UBAP2L: variants seen among roughly 807,000 people sequenced by gnomAD.
The protein encoded by UBAP2L is ubiquitin associated protein 2 like.
Under a neutral mutation model 130.6 loss-of-function variants are expected in UBAP2L, and 12 were observed. That is an observed-to-expected ratio of 0.09 (90% CI 0.06 to 0.15). The LOEUF (loss-of-function observed/expected upper bound fraction) is 0.15, where lower values mean the gene tolerates loss of function less well. UBAP2L is among the 10% of genes least tolerant of loss of function. UBAP2L has a pLI of 1.00. For synonymous variants in UBAP2L, 503 were observed against 524.7 expected (o/e 0.96, Z 0.57); for missense variants, 965 against 1,332.5 (o/e 0.72, Z 4.29).
At chr1:154,246,680 A>G (rs1480931383) in intron 11 of UBAP2L, among the ~76,000 whole-genome samples, 3 of 152,224 alleles carry the variant, frequency 2.0e-5, no homozygotes, top group East Asian at 3.8e-4. Flanking sequence ...AAACTTGTCA[A>G]TACATTTTAA....
chr1:154,265,283 T>G (rs961991731), intron 24 of UBAP2L, among the ~76,000 whole-genome samples: 1 of 152,168 alleles, frequency 6.6e-6, no homozygotes, highest in South Asian at 2.1e-4. Context: ...TGTGGGTGAA[T>G]GGAGGATTCC....
At chr1:154,228,778 T>C in intron 4 of UBAP2L, 53 bp downstream of exon 4, 1 of 1,396,646 alleles carries the variant, frequency 7.2e-7, no homozygotes, top group Non-Finnish European at 9.9e-7. Flanking sequence ...GGGAGGCTAG[T>C]AATGTTCTAA....
chr1:154,256,934 C>A, intron 18 of UBAP2L, 129 bp from the exon 19 acceptor site: 1 of 1,045,250 alleles, frequency 9.6e-7, no homozygotes, highest in Non-Finnish European at 1.4e-6. Context: ...TGGTACCTTG[C>A]CTACTTGGCC....
In UBAP2L at chr1:154,249,390, C is replaced by T; in HGVS notation, c.1166C>T (p.Ser389Phe). The change falls in exon 12 of 27, where the codon TCT becomes TTT. Residue 389 changes from serine to phenylalanine, a missense_variant. By Grantham distance (155) the Ser-to-Phe change is radical. Transcript: ENST00000428931. ...CAGTCTGGAAGCACCACCACCTCCT[C>T]TTGGGACATGGGCTCGACGACACAA... ...HSQSGSTTTS[S>F]WDMGSTTQSP... 2 of 1,614,170 alleles carry T rather than the reference C, an allele frequency of 1.2e-6. No individual in the cohort carries two copies. The highest frequency in any genetic ancestry group is 1.7e-6 in the Non-Finnish European group (2 of 1,180,036).
At chr1:154,239,781 G>T in intron 8 of UBAP2L, among the ~76,000 whole-genome samples, 1 of 152,204 alleles carries the variant, frequency 6.6e-6, no homozygotes, top group East Asian at 1.9e-4. Context: ...ATGCAACTTG[G>T]ATTCCATCGA....
chr1:154,269,504 G>C, intron 26 of UBAP2L: 1 of 1,114,666 alleles, frequency 9.0e-7, no homozygotes, highest in Non-Finnish European at 1.2e-6. Context: ...AAGACTGCGC[G>C]GTCACAAATC....
chr1:154,268,937 C>T lies in UBAP2L; in HGVS notation c.3151C>T (p.Leu1051=). 6.2e-7 allele frequency: 1 copy of T among 1,613,906 alleles called. No homozygotes were observed. The highest frequency in any genetic ancestry group is 1.7e-5 in the Admixed American group (1 of 60,000). ...GCATTCTCAGATCCTTCACCATCAC[C>T]TGCAGCAGGATGGCCAGGTAATAGC... The part of the protein sequence containing the change: ...QPHSQILHHH[L]QQDGQTGSGQ... Residue 1051 remains leucine, a synonymous_variant, in exon 26 of 27, where the codon CTG becomes TTG. Transcript: ENST00000428931.
At chr1:154,265,704 G>A (rs1683040028) in intron 24 of UBAP2L, among the ~76,000 whole-genome samples, 1 of 152,046 alleles carries the variant, frequency 6.6e-6, no homozygotes, top group African/African-American at 2.4e-5. Context: ...TGGTTAGTAG[G>A]GAGTTTTTTT....
At chr1:154,269,355 G>A (rs1684223808) in intron 26 of UBAP2L, 1 of 1,326,504 alleles carries the variant, frequency 7.5e-7, no homozygotes, top group African/African-American at 1.5e-5. Context: ...TCCTGGTTCT[G>A]CCTCAGCTAC....
intron 24 of UBAP2L, among the ~76,000 whole-genome samples, chr1:154,264,254 A>G (rs1286662070): frequency 6.6e-6 from 1 of 152,090 alleles, no homozygotes; most frequent in Non-Finnish European, 1.5e-5. Flanking sequence ...AGCCCTTTGG[A>G]GTAATTTTGC....
At position 154,268,741 on chromosome 1, in the gene UBAP2L, C is replaced by T; in HGVS notation, c.2971-16C>T. 1.2e-6 allele frequency: 2 copies of T among 1,613,672 alleles called. No homozygotes were observed. The highest frequency in any genetic ancestry group is 1.7e-5 in the Admixed American group (1 of 59,976). ...CTGATCCCTTTTACTCTGTCTCCTC[C>T]TGGCCTCCTGGATAGCAGTCCTTTG... On this transcript the variant is annotated splice_polypyrimidine_tract_variant and intron_variant, in intron 25 of 26. Transcript: ENST00000428931.
intron 22 of UBAP2L, 147 bp from the exon 23 acceptor site, chr1:154,260,745 T>C (rs535731941): frequency 1.7e-5 from 13 of 772,290 alleles, no homozygotes; most frequent in Non-Finnish European, 2.5e-5. Context: ...GCAACAATAA[T>C]TGGAGCCACT....
Position 154,268,933 on chromosome 1 carries a change from T to C in UBAP2L, c.3147T>C (p.His1049=), listed in dbSNP as rs763294063. Residue 1049 remains histidine (H), a synonymous_variant, in exon 26 of 27, where the codon CAT becomes CAC. Transcript: ENST00000428931. ...AGCCGCATTCTCAGATCCTTCACCA[T>C]CACCTGCAGCAGGATGGCCAGGTAA... ...HQQPHSQILH[H]HLQQDGQTGS... 4 of 1,607,038 alleles carry C rather than the reference T, an allele frequency of 2.5e-6. No homozygotes were observed. The Admixed American group carries it at 6.7e-5, about 27-fold the overall frequency.
Position 154,270,712 on chromosome 1 carries a change from T to A in UBAP2L, c.*417T>A. 7.1e-7 allele frequency: 1 copy of A among 1,406,770 alleles called. No homozygotes were observed. The allele number at this position is 1,406,770 out of a possible 1,614,324, so 87.1% of individuals were successfully genotyped here. Reference sequence around the variant, plus strand: ...ACAACAACAACAACAAACAAAAAAATGGCGTCATGAATATGAACAGCATTG... The same window carrying A: ...ACAACAACAACAACAAACAAAAAAAAGGCGTCATGAATATGAACAGCATTG... On this transcript the variant is annotated 3_prime_UTR_variant, in exon 27 of 27. Transcript: ENST00000428931.
At chr1:154,251,901 C>G (rs561411508) in intron 14 of UBAP2L, among the ~76,000 whole-genome samples, 1 of 152,236 alleles carries the variant, frequency 6.6e-6, no homozygotes, top group East Asian at 1.9e-4. Context: ...CTTTGGGTGG[C>G]CAAGGCAGGA....
chr1:154,241,721 A>G, intron 9 of UBAP2L, 156 bp downstream of exon 9: 2 of 985,376 alleles, frequency 2.0e-6, no homozygotes, highest in Non-Finnish European at 2.4e-6. Flanking sequence ...AGAACATTTC[A>G]CATATGTTAT....
rs750536190 is a variant in UBAP2L, at chr1:154,227,389, A to G, written c.168+30A>G. On this transcript the variant is annotated intron_variant, in intron 3 of 26. Coordinates refer to ENST00000428931, the MANE Select transcript of UBAP2L (RefSeq NM_014847.4). ...GTGTATCACTAATTTACTGTACACT[A>G]TGAGAAAAGATACCAGTATTAAGGC... is the stretch of plus-strand genomic sequence containing the variant. 6.3e-5 allele frequency: 98 copies of G among 1,563,378 alleles called. 1 individual carries two copies. Among genetic ancestry groups the G allele is most frequent in the Non-Finnish European group, 8.2e-5 (93 of 1,135,032 alleles).
intron 20 of UBAP2L, 180 bp from the exon 21 acceptor site, chr1:154,258,797 T>A: frequency 1.9e-6 from 1 of 538,768 alleles, no homozygotes; most frequent in Non-Finnish European, 3.3e-6. Flanking sequence ...CTTTCATGAA[T>A]CATTTAATCT....
intron 11 of UBAP2L, 143 bp downstream of exon 11, chr1:154,246,518 T>C (rs892527211): frequency 2.5e-5 from 22 of 869,778 alleles, no homozygotes; most frequent in Non-Finnish European, 3.8e-5. Flanking sequence ...GTAGAAATGT[T>C]TGAGTTGGGT....
Sources: gnomAD v4.1 joint callset for allele counts (sites outside exome capture counted in the v4.1 genomes callset) on GRCh38, gnomAD v4.1.1 for gene constraint, MANE v1.5 for transcripts, NCBI Gene and HGNC (gene_info 2026-07-23, HGNC 2026-07-21) for gene names.